NAV3: variants seen among roughly 807,000 people sequenced by gnomAD.
NAV3 encodes the protein pore membrane and/or filament interacting like protein 1.
Under a neutral mutation model 244.7 loss-of-function variants are expected in NAV3, and 87 were observed. The observed-to-expected ratio is 0.36, with a 90% CI of 0.30 to 0.42. The LOEUF is 0.42. Among genes scored for constraint, NAV3 ranks in the 20% least tolerant of loss-of-function variants. The pLI is 1.00. For missense variants in NAV3, 2,663 were observed against 2,893.3 expected (o/e 0.92, Z 1.83); for synonymous variants, 1,126 against 1,042.2 (o/e 1.08, Z -1.55).
Position 78,188,694 on chromosome 12 carries a change from G to T in NAV3, c.5972G>T (p.Arg1991Ile). The change falls in exon 33 of 40, where the codon AGA (arginine) becomes ATA (isoleucine). Residue 1991 changes from arginine (R) to isoleucine (I), a missense_variant. Around this residue, in one of 6 missense-constraint regions of NAV3, gnomAD observed 543 missense variants for 672.4 expected, o/e 0.81. Transcript: ENST00000397909. ...AGCTACTGTATAGGAGACTTAATTA[G>T]ATCCCATAACCTAGAAGTGCCTGAA... ...IASYCIGDLIRSHNLEVPELL... is the reference protein window; with the variant it reads ...IASYCIGDLIISHNLEVPELL... 6.2e-7 allele frequency: 1 copy of T among 1,612,472 alleles called. No homozygotes were observed.
chr12:78,198,366 T>C (rs1042593024), intron 35 of NAV3, among the ~76,000 whole-genome samples: 1 of 151,898 alleles, frequency 6.6e-6, no homozygotes, highest in Admixed American at 6.6e-5. Context: ...AAATTACAAA[T>C]AAACTCAGGC....
At chr12:77,757,226 A>C (rs1403752613) in intron 2 of NAV3, among the ~76,000 whole-genome samples, 1 of 152,166 alleles carries the variant, frequency 6.6e-6, no homozygotes, top group East Asian at 1.9e-4. Flanking sequence ...TGCTCAGGGG[A>C]GGCACATGTT....
Position 77,831,571 on chromosome 12 carries a change from G to C in NAV3, c.110G>C (p.Cys37Ser), listed in dbSNP as rs2136077040. 6.2e-7 allele frequency: 1 copy of C among 1,614,106 alleles called. No homozygotes were observed. Among genetic ancestry groups the C allele is most frequent in the African/African-American group, 1.3e-5 (1 of 75,044 alleles). ...PNLGTTGSQH[C>S]SSRPLELTET... ...CTTGGCACTACTGGGTCACAGCACT[G>C]TTCTTCAAGACCTTTGGAACTTACT... Residue 37 changes from cysteine to serine, a missense_variant, in exon 1 of 40, where the codon TGT becomes TCT. Around this residue, in one of 6 missense-constraint regions of NAV3, gnomAD observed 1,521 missense variants for 1,497.0 expected, o/e 1.02. Coordinates refer to ENST00000397909, the MANE Select transcript of NAV3 (RefSeq NM_001024383.2).
intron 1 of NAV3, among the ~76,000 whole-genome samples, chr12:77,883,272 C>A (rs1487664355): frequency 6.6e-6 from 1 of 152,036 alleles, no homozygotes; most frequent in Non-Finnish European, 1.5e-5. Context: ...ATAAAAAGAA[C>A]AAAATCATGT....
At chr12:77,903,874 G>T (rs1885623338) in intron 1 of NAV3, among the ~76,000 whole-genome samples, 1 of 152,144 alleles carries the variant, frequency 6.6e-6, no homozygotes, top group African/African-American at 2.4e-5. Flanking sequence ...CATTTATGCA[G>T]CCAAAAGACA....
chr12:77,906,029 T>C (rs1028489034), intron 1 of NAV3, among the ~76,000 whole-genome samples: 4 of 152,136 alleles, frequency 2.6e-5, no homozygotes, highest in African/African-American at 7.2e-5. Context: ...ATCTAAGCTA[T>C]ACCAATTCCA....
At chr12:77,662,501 TA>T (rs144041156) in intron 2 of NAV3, among the ~76,000 whole-genome samples, 8,383 of 150,938 alleles carry the variant, frequency 0.056, 552 homozygotes, top group African/African-American at 0.16. Context: ...CCCATAGGAC[TA>T]AAAAAAAAGT....
intron 17 of NAV3, among the ~76,000 whole-genome samples, chr12:78,127,764 C>A (rs1397701291): frequency 6.6e-6 from 1 of 152,042 alleles, no homozygotes; most frequent in Non-Finnish European, 1.5e-5. Context: ...TTATAGAATC[C>A]TTTTGATAAA....
At chr12:77,648,254 T>A (rs1872683819) in intron 2 of NAV3, among the ~76,000 whole-genome samples, 1 of 152,136 alleles carries the variant, frequency 6.6e-6, no homozygotes, top group Admixed American at 6.6e-5. Flanking sequence ...TGTGCTATAA[T>A]TCTGCTATAG....
At chr12:77,629,073 A>T (rs1003736175) in intron 2 of NAV3, among the ~76,000 whole-genome samples, 12 of 152,208 alleles carry the variant, frequency 7.9e-5, no homozygotes, top group African/African-American at 2.9e-4. Context: ...AAATATTAAG[A>T]ATGTCTAGAA....
intron 2 of NAV3, among the ~76,000 whole-genome samples, chr12:77,616,736 A>G (rs1871158310): frequency 6.6e-6 from 1 of 151,932 alleles, no homozygotes; most frequent in Non-Finnish European, 1.5e-5. Context: ...GCGCGCACAC[A>G]CACACACACA....
chr12:77,632,426 C>T (rs568108881), intron 2 of NAV3, among the ~76,000 whole-genome samples: 3 of 152,204 alleles, frequency 2.0e-5, no homozygotes, highest in East Asian at 1.9e-4. Flanking sequence ...TGATGTCATA[C>T]GTGGATGGCG....
intron 2 of NAV3, among the ~76,000 whole-genome samples, chr12:77,770,342 G>A (rs1294845810): frequency 6.6e-6 from 1 of 152,162 alleles, no homozygotes; most frequent in Non-Finnish European, 1.5e-5. Flanking sequence ...TGAACAGACG[G>A]CTGAGTTAGA....
chr12:77,695,662 G>A (rs1229002649), intron 2 of NAV3, among the ~76,000 whole-genome samples: 5 of 152,042 alleles, frequency 3.3e-5, no homozygotes, highest in Admixed American at 3.3e-4. Context: ...AATTTATCAT[G>A]TACAAAACTC....
At chr12:77,664,091 A>G (rs1265109007) in intron 2 of NAV3, among the ~76,000 whole-genome samples, 1 of 152,252 alleles carries the variant, frequency 6.6e-6, no homozygotes, top group Non-Finnish European at 1.5e-5. Flanking sequence ...GATGGTAAAC[A>G]TGACATTAAC....
chr12:77,908,908 A>T (rs1380329745), intron 1 of NAV3, among the ~76,000 whole-genome samples: 1 of 152,090 alleles, frequency 6.6e-6, no homozygotes. Context: ...CAAGCTATAG[A>T]TTTCATAGTT....
intron 12 of NAV3, among the ~76,000 whole-genome samples, chr12:78,080,371 C>T (rs11108198): frequency 0.01 from 1,585 of 152,270 alleles, 27 homozygotes; most frequent in African/African-American, 0.036. Context: ...CTATGTGATA[C>T]ACAGAGTGAG....
intron 2 of NAV3, among the ~76,000 whole-genome samples, chr12:77,765,909 C>A (rs945089866): frequency 6.6e-6 from 1 of 151,796 alleles, no homozygotes; most frequent in Non-Finnish European, 1.5e-5. Context: ...AGGAGGGAGT[C>A]GGTGGTGAAA....
At chr12:77,832,488 G>A (rs1254831900) in intron 1 of NAV3, among the ~76,000 whole-genome samples, 2 of 152,040 alleles carry the variant, frequency 1.3e-5, no homozygotes, top group South Asian at 2.1e-4. Flanking sequence ...TACATATTAG[G>A]TGTATATATT....
Sources: allele counts gnomAD v4.1 joint callset (sites outside exome capture counted in the v4.1 genomes callset), GRCh38; gene constraint gnomAD v4.1.1; regional missense constraint gnomAD v4.1.1; transcripts MANE v1.5; gene names NCBI Gene and HGNC (gene_info 2026-07-23, HGNC 2026-07-21).